The following RRP9 variants were observed in gnomAD, a reference collection of about 807,000 sequenced individuals.
The protein encoded by RRP9 is ribosomal RNA processing 9, U3 small nucleolar RNA binding protein, also known as U3 small nucleolar RNA-interacting protein 2.
In RRP9, 35 loss-of-function variants were observed where a neutral mutation model predicts 65.5. The observed-to-expected ratio is 0.53, with a 90% CI of 0.41 to 0.71. The LOEUF (loss-of-function observed/expected upper bound fraction) is 0.71. Ranked by LOEUF, RRP9 falls within the 30% of genes least tolerant of loss-of-function variation. The pLI is 0.00. For missense variants in RRP9, 533 were observed against 633.6 expected, an observed-to-expected ratio of 0.84 and a Z score of 1.70; for synonymous variants, 254 against 245.0, an observed-to-expected ratio of 1.04 and a Z score of -0.34.
In RRP9 at chr3:51,937,187, C is replaced by G; in HGVS notation, c.517+5G>C. 1.2e-6 allele frequency: 2 copies of G among 1,612,838 alleles called. No homozygotes were observed. The highest frequency in any genetic ancestry group is 1.7e-6 in the Non-Finnish European group (2 of 1,179,450). Reference sequence around the variant, plus strand: ...GGCTCCAGCCCCACCCAGGCACTCACTCACACTTAATGATGCTGCAGTCTT... The same window carrying G: ...GGCTCCAGCCCCACCCAGGCACTCAGTCACACTTAATGATGCTGCAGTCTT... On this transcript the variant is annotated splice_donor_5th_base_variant and intron_variant, in intron 6 of 14. Coordinates refer to ENST00000232888, the MANE Select transcript of RRP9 (RefSeq NM_004704.5). The surrounding 1 kb of genome is among the most constrained non-coding windows in gnomAD (Gnocchi z 5.0).
chr3:51,933,909 G>A (rs763821763), intron 13 of RRP9, 128 bp from the exon 14 acceptor site: 105 of 845,038 alleles, frequency 1.2e-4, no homozygotes, highest in Non-Finnish European at 2.0e-4. Context: ...GCCACCTGGT[G>A]ACACAGGCCA....
Position 51,937,534 on chromosome 3 carries a change from T to G in RRP9, c.390+11A>C, listed in dbSNP as rs765752228. On this transcript the variant is annotated intron_variant, in intron 5 of 14. Transcript: ENST00000232888. This position sits in a 1 kb window ranked among gnomAD's most constrained non-coding sequence, Gnocchi z 5.0. ...CCTCCAACCTTATACCAAAATACCA[T>G]GCCCACTCACCTCTTTTGCCACCAA... The G allele has an allele frequency of 6.2e-7, 1 of 1,614,176 alleles. No individual in the cohort carries two copies. Among genetic ancestry groups the G allele is most frequent in the South Asian group, 1.1e-5 (1 of 91,090 alleles).
chr3:51,940,064 C>A (rs1460042141), intron 2 of RRP9, among the ~76,000 whole-genome samples: 2 of 152,134 alleles, frequency 1.3e-5, no homozygotes, highest in African/African-American at 4.8e-5. Context: ...CGAGACCAGC[C>A]TGGCCAACAT....
In RRP9 at chr3:51,934,248, C is replaced by T. The variant is rs1699425252; in HGVS notation, c.1260+224G>A. Among the ~76,000 whole-genome samples, 1 of 152,224 alleles carries T rather than the reference C, an allele frequency of 6.6e-6. No individual in the cohort carries two copies. Among genetic ancestry groups the T allele is most frequent in the African/African-American group, 2.4e-5 (1 of 41,464 alleles). ...AGGGCCAGGCCTCCATGCCTCTCCC[C>T]ATGCTGCTCCCTGACTTGTACCCCA... is the stretch of plus-strand genomic sequence containing the variant. On this transcript the variant is annotated intron_variant, in intron 13 of 14. Transcript: ENST00000232888. The surrounding 1 kb of genome is among the most constrained non-coding windows in gnomAD (Gnocchi z 4.1).
At position 51,941,505 on chromosome 3, in the gene RRP9, G is replaced by A. The variant is rs1394206858; in HGVS notation, c.88-14C>T. 4.3e-6 allele frequency: 7 copies of A among 1,612,976 alleles called. No individual in the cohort carries two copies. The highest frequency in any genetic ancestry group is 3.3e-5 in the Admixed American group (2 of 59,996). ...CGCAGAGTCGGCCTGGGAATTATAC[G>A]GTCTTTTCTTTGGTCAGGGGTCCAG... is the stretch of plus-strand genomic sequence containing the variant. On this transcript the variant is annotated splice_polypyrimidine_tract_variant and intron_variant, in intron 1 of 14. Coordinates refer to ENST00000232888, the MANE Select transcript of RRP9 (RefSeq NM_004704.5).
At chr3:51,938,704 T>C (rs967013689) in intron 2 of RRP9, among the ~76,000 whole-genome samples, 1 of 152,090 alleles carries the variant, frequency 6.6e-6, no homozygotes, top group Non-Finnish European at 1.5e-5. Context: ...TTAGGAAGGA[T>C]AGAAGCTGTG....
chr3:51,936,532 G>T lies in RRP9; in HGVS notation c.541C>A (p.Leu181Met). ...IKWSVESGRKLHVIPRAKKGA... is the reference protein window; with the variant it reads ...IKWSVESGRKMHVIPRAKKGA... ...TTCTTGGCTCGAGGAATCACATGCA[G>T]CTTCCGTCCACTCTCCACGCTCCCT... The change falls in exon 7 of 15, where the codon CTG (leucine) becomes ATG (methionine). Residue 181 changes from leucine to methionine, a missense_variant. Physicochemically the swap from Leu to Met is conservative, Grantham distance 15. Around this residue, in one of 3 missense-constraint regions of RRP9, gnomAD observed 449 missense variants for 550.6 expected, o/e 0.82. Coordinates refer to ENST00000232888, the MANE Select transcript of RRP9 (RefSeq NM_004704.5). 6.2e-7 allele frequency: 1 copy of T among 1,614,122 alleles called. No individual in the cohort carries two copies. The highest frequency in any genetic ancestry group is 8.5e-7 in the Non-Finnish European group (1 of 1,180,022).
intron 2 of RRP9, among the ~76,000 whole-genome samples, chr3:51,938,762 G>A (rs1577651951): frequency 6.6e-6 from 1 of 152,130 alleles, no homozygotes; most frequent in East Asian, 1.9e-4. Flanking sequence ...AAGGGATACC[G>A]GAAACCAGAG....
chr3:51,934,561 C>T lies in RRP9; in HGVS notation c.1181-10G>A, dbSNP rs772465948. On this transcript the variant is annotated splice_polypyrimidine_tract_variant and intron_variant, in intron 12 of 14. Transcript: ENST00000232888. This position sits in a 1 kb window ranked among gnomAD's most constrained non-coding sequence, Gnocchi z 4.1. ...CAGGAGCTGTGGGAGCCTGGGGAGA[C>T]TGGAACAGTGAGCAACCCCTGCACC... 2 of 1,613,878 alleles carry T rather than the reference C, an allele frequency of 1.2e-6. No homozygotes were observed. The highest frequency in any genetic ancestry group is 3.3e-5 in the Admixed American group (2 of 60,020).
At position 51,936,485 on chromosome 3, in the gene RRP9, A is replaced by G; in HGVS notation, c.588T>C (p.Pro196=). 6.2e-7 allele frequency: 1 copy of G among 1,614,190 alleles called. No individual in the cohort carries two copies. The highest frequency in any genetic ancestry group is 8.5e-7 in the Non-Finnish European group (1 of 1,180,034). ...TGCAGAGGACGTGGCTGCTGTGGCC[A>G]GGGGGCTTTCCCTCGGCACCCTTCT... ...RAKKGAEGKP[P]GHSSHVLCMA... is the part of the protein sequence containing the mutation. The change falls in exon 7 of 15, where the codon CCT becomes CCC. Residue 196 remains proline, a synonymous_variant. Coordinates refer to ENST00000232888, the MANE Select transcript of RRP9 (RefSeq NM_004704.5).
At position 51,937,523 on chromosome 3, in the gene RRP9, C is replaced by G. The variant is rs759909400; in HGVS notation, c.390+22G>C. ...GCCCCCAATTCCCTCCAACCTTATACCAAAATACCATGCCCACTCACCTCT... is the reference window on the plus strand; with the variant it reads ...GCCCCCAATTCCCTCCAACCTTATAGCAAAATACCATGCCCACTCACCTCT... On this transcript the variant is annotated intron_variant, in intron 5 of 14. Coordinates refer to ENST00000232888, the MANE Select transcript of RRP9 (RefSeq NM_004704.5). This position sits in a 1 kb window ranked among gnomAD's most constrained non-coding sequence, Gnocchi z 5.0. 6 of 1,614,214 alleles carry G rather than the reference C, an allele frequency of 3.7e-6. No homozygotes were observed. In the South Asian group the frequency reaches 5.5e-5, roughly 15 times the overall value.
In RRP9 at chr3:51,941,399, A is replaced by C. The variant is rs1453742269; in HGVS notation, c.170+10T>G. ...TTTTCCCTCCCACTATGTGGAAAAG[A>C]ATAGCTCACCTCTCGCTCTCAGAGT... On this transcript the variant is annotated intron_variant, in intron 2 of 14. Transcript: ENST00000232888. The C allele has an allele frequency of 1.9e-6, 3 of 1,613,092 alleles. No homozygotes were observed. The highest frequency in any genetic ancestry group is 2.5e-6 in the Non-Finnish European group (3 of 1,179,162).
rs531540504 is a variant in RRP9 at position 51,935,602 on chromosome 3, C to T, written c.826G>A (p.Val276Met). ...KVWNVAENSYVETLFGHQDAV... is the reference protein window; with the variant it reads ...KVWNVAENSYMETLFGHQDAV... ...CCCATCCACACTCACAGCGTCTCCA[C>T]GTAGGAGTTCTCTGCCACATTCCAC... The change falls in exon 9 of 15, where the codon GTG (valine) becomes ATG (methionine). Residue 276 changes from valine (V) to methionine (M), a missense_variant. Coordinates refer to ENST00000232888, the MANE Select transcript of RRP9 (RefSeq NM_004704.5). 2.4e-5 allele frequency: 39 copies of T among 1,614,186 alleles called. No individual in the cohort carries two copies. In the Admixed American group the frequency reaches 3.5e-4, roughly 14 times the overall value.
intron 6 of RRP9, among the ~76,000 whole-genome samples, chr3:51,936,843 G>A (rs1383426774): frequency 6.6e-6 from 1 of 152,230 alleles, no homozygotes; most frequent in Non-Finnish European, 1.5e-5. Context: ...GGGTGTAGAA[G>A]GAACCGCTGG....
In RRP9 at chr3:51,935,177, A is replaced by ACATC; in HGVS notation, c.1034+16_1034+19dup. 6.2e-7 allele frequency: 1 copy of ACATC among 1,613,566 alleles called. No individual in the cohort carries two copies. The highest frequency in any genetic ancestry group is 8.5e-7 in the Non-Finnish European group (1 of 1,179,698). The stretch of plus-strand genomic sequence containing the variant: ...TCAGGAGCAGAAGCCGTGGCCAGAG[A>ACATC]CATCCAAAGGACCTCTTACCCATCG... On this transcript the variant is annotated intron_variant, in intron 11 of 14. Coordinates refer to ENST00000232888, the MANE Select transcript of RRP9 (RefSeq NM_004704.5).
intron 13 of RRP9, 29 bp from the exon 14 acceptor site, chr3:51,933,810 T>C (rs1699419114): frequency 6.2e-7 from 1 of 1,606,640 alleles, no homozygotes; most frequent in Non-Finnish European, 8.5e-7. Flanking sequence ...CGGAAAGACA[T>C]TAGAACGCCC....
rs200210655 is a variant in RRP9 at position 51,941,495 on chromosome 3, G to A, written c.88-4C>T. The A allele has an allele frequency of 2.5e-6, 4 of 1,613,776 alleles. No homozygotes were observed. The East Asian group carries it at 6.7e-5, about 27-fold the overall frequency. ...CCCTGTCCCCCGCAGAGTCGGCCTG[G>A]GAATTATACGGTCTTTTCTTTGGTC... On this transcript the variant is annotated splice_polypyrimidine_tract_variant and splice_region_variant and intron_variant, in intron 1 of 14. Coordinates refer to ENST00000232888, the MANE Select transcript of RRP9 (RefSeq NM_004704.5).
rs1699426735 is a variant in RRP9, at chr3:51,934,350, T to A, written c.1260+122A>T. The A allele has an allele frequency of 3.1e-6, 3 of 981,294 alleles. No individual in the cohort carries two copies. The highest frequency in any genetic ancestry group is 4.5e-6 in the Non-Finnish European group (3 of 663,580). 60.8% of individuals were successfully genotyped at this position (981,294 alleles called of 1,614,324 possible). On this transcript the variant is annotated intron_variant, in intron 13 of 14. Transcript: ENST00000232888. The surrounding 1 kb of genome is among the most constrained non-coding windows in gnomAD (Gnocchi z 4.1). Reference sequence around the variant, plus strand: ...GGAGGGTTCCTGCCAGGCCCTGTGCTAGGAGCTGGCCCTGCCCTGAGAAGG... The same window carrying A: ...GGAGGGTTCCTGCCAGGCCCTGTGCAAGGAGCTGGCCCTGCCCTGAGAAGG...
intron 13 of RRP9, among the ~76,000 whole-genome samples, 182 bp from the exon 14 acceptor site, chr3:51,933,963 G>A (rs1456093931): frequency 6.6e-6 from 1 of 152,228 alleles, no homozygotes; most frequent in Non-Finnish European, 1.5e-5. Flanking sequence ...CTGCGAGATG[G>A]GGGTAAGCAG....
Sources: allele counts gnomAD v4.1 joint callset (sites outside exome capture counted in the v4.1 genomes callset), GRCh38; gene constraint gnomAD v4.1.1; regional missense constraint gnomAD v4.1.1; non-coding constraint Gnocchi (gnomAD v3.1); transcripts MANE v1.5; gene names NCBI Gene and HGNC (gene_info 2026-07-23, HGNC 2026-07-21).